The following EPB41 variants were observed in gnomAD, a reference collection of about 807,000 sequenced individuals.
EPB41 encodes the protein protein 4.1.
Under a neutral mutation model 108.0 loss-of-function variants are expected in EPB41, and 65 were observed. That is an observed-to-expected ratio of 0.60 (90% confidence interval 0.49 to 0.74). The LOEUF is 0.74. Among genes scored for constraint, EPB41 ranks in the 30% least tolerant of loss-of-function variants. The pLI is 0.00. For missense variants in EPB41, 875 were observed against 1,037.0 expected (o/e 0.84, Z 2.15); for synonymous variants, 336 against 358.9 (o/e 0.94, Z 0.72).
At chr1:28,940,722 T>G (rs748826497) in intron 1 of EPB41, among the ~76,000 whole-genome samples, 7 of 152,182 alleles carry the variant, frequency 4.6e-5, no homozygotes, top group Non-Finnish European at 8.8e-5. Context: ...CTGGTTGCAA[T>G]TATATTTAAT....
chr1:28,944,226 CGGGGG>C (rs2094409698), intron 1 of EPB41, among the ~76,000 whole-genome samples: 1 of 151,244 alleles, frequency 6.6e-6, no homozygotes, highest in African/African-American at 2.4e-5. Context: ...AGTGTGGAGG[CGGGGG>C]CTGGGAGGAG....
At chr1:29,093,601 A>G (rs1662104351) in intron 16 of EPB41, among the ~76,000 whole-genome samples, 1 of 152,092 alleles carries the variant, frequency 6.6e-6, no homozygotes. Context: ...TGGCATCTTC[A>G]TCATAAAATC....
intron 16 of EPB41, 85 bp downstream of exon 16, chr1:29,065,243 C>CT: frequency 6.9e-7 from 1 of 1,439,732 alleles, no homozygotes; most frequent in Non-Finnish European, 9.1e-7. Flanking sequence ...TGAGAGAAAG[C>CT]TTAGAGCTGA....
chr1:29,084,001 A>C (rs1173113853), intron 16 of EPB41, among the ~76,000 whole-genome samples: 1 of 142,284 alleles, frequency 7.0e-6, no homozygotes, highest in African/African-American at 2.6e-5. Context: ...TTAGTTAAGA[A>C]CCAGGAGCTG....
intron 1 of EPB41, among the ~76,000 whole-genome samples, chr1:28,893,180 C>G (rs1355663783): frequency 2.0e-5 from 3 of 152,054 alleles, no homozygotes; most frequent in African/African-American, 7.2e-5. Context: ...CTCCTGGGCT[C>G]AAGGGAGCCT....
intron 4 of EPB41, among the ~76,000 whole-genome samples, chr1:29,008,585 T>G (rs1460838033): frequency 2.6e-5 from 4 of 152,196 alleles, no homozygotes; most frequent in Non-Finnish European, 5.9e-5. Flanking sequence ...ACCACAGTTA[T>G]CATTCTCAAC....
chr1:29,005,650 A>G (rs546636735), intron 4 of EPB41, among the ~76,000 whole-genome samples: 1 of 152,318 alleles, frequency 6.6e-6, no homozygotes, highest in East Asian at 1.9e-4. Context: ...ATGGACACCC[A>G]CATGGATGGG....
rs1174638954 is a variant in EPB41 at position 29,111,960 on chromosome 1, G to A, written c.2416-408G>A. 9.3e-5 allele frequency among the ~76,000 whole-genome samples: 14 copies of A among 150,420 alleles called. No homozygotes were observed. The East Asian group carries it at 2.7e-3, about 29-fold the overall frequency. ...CCACTACACTCCAGCCTGGACAACAGAGCGAGACTCTGTCTCAAAAAAAAA... is the reference window on the plus strand; with the variant it reads ...CCACTACACTCCAGCCTGGACAACAAAGCGAGACTCTGTCTCAAAAAAAAA... On this transcript the variant is annotated intron_variant, in intron 18 of 20. Coordinates refer to ENST00000343067, the MANE Select transcript of EPB41 (RefSeq NM_001376013.1).
intron 1 of EPB41, among the ~76,000 whole-genome samples, chr1:28,953,009 A>G (rs1279880355): frequency 6.6e-6 from 1 of 152,122 alleles, no homozygotes; most frequent in Non-Finnish European, 1.5e-5. Flanking sequence ...GATTACAGGC[A>G]TGAGCCACTG....
At chr1:28,904,768 TC>T (rs2147942778) in intron 1 of EPB41, among the ~76,000 whole-genome samples, 1 of 152,156 alleles carries the variant, frequency 6.6e-6, no homozygotes, top group Admixed American at 6.5e-5. Flanking sequence ...CCGTGGTGGC[TC>T]ATGCCTGTGA....
chr1:28,921,961 T>TATATATATATATATATATACAC (rs770764638), intron 1 of EPB41, among the ~76,000 whole-genome samples: 41 of 109,906 alleles, frequency 3.7e-4, no homozygotes, highest in African/African-American at 1.3e-3. Context: ...TATATATATA[T>TATATATATATATATATATACAC]ACACTTTTTT....
intron 2 of EPB41, among the ~76,000 whole-genome samples, chr1:28,992,258 C>T (rs2096040897): frequency 6.6e-6 from 1 of 152,162 alleles, no homozygotes; most frequent in South Asian, 2.1e-4. Flanking sequence ...TCCTAATTGT[C>T]AACCATGCAT....
chr1:28,971,185 T>TC (rs2095487795), intron 1 of EPB41, among the ~76,000 whole-genome samples: 2 of 129,596 alleles, frequency 1.5e-5, no homozygotes, highest in African/African-American at 3.1e-5. Flanking sequence ...TCTTTCTTTT[T>TC]TTTTTTTTTT....
At chr1:29,087,004 G>A (rs1381965759) in intron 16 of EPB41, among the ~76,000 whole-genome samples, 1 of 143,664 alleles carries the variant, frequency 7.0e-6, no homozygotes, top group Non-Finnish European at 1.5e-5. Context: ...GGGTGCAGTG[G>A]CACAATCTTG....
At chr1:29,070,082 C>T (rs1310427211) in intron 16 of EPB41, 2 of 264,668 alleles carry the variant, frequency 7.6e-6, no homozygotes, top group Admixed American at 5.3e-5. Flanking sequence ...ATGTGAATAT[C>T]CTCAAAGGAA....
chr1:28,894,905 AC>A (rs2090505279), intron 1 of EPB41, among the ~76,000 whole-genome samples: 1 of 151,904 alleles, frequency 6.6e-6, no homozygotes, highest in Admixed American at 6.6e-5. Context: ...TTAACTGCTC[AC>A]CCAGCTGGGA....
chr1:28,909,157 C>CA (rs35591255), intron 1 of EPB41, among the ~76,000 whole-genome samples: 90,169 of 122,816 alleles, frequency 0.73, 31,757 homozygotes, highest in East Asian at 0.9. Flanking sequence ...GACTCCGTCT[C>CA]AAAAAAAAAA....
At position 29,039,416 on chromosome 1, in the gene EPB41, C is replaced by G. The variant is rs1287476127; in HGVS notation, c.1626C>G (p.Ser542Arg). The G allele has an allele frequency of 6.2e-7, 1 of 1,613,952 alleles. No homozygotes were observed. Among genetic ancestry groups the G allele is most frequent in the East Asian group, 2.2e-5 (1 of 44,880 alleles). Residue 542 changes from serine (S) to arginine (R), a missense_variant, in exon 11 of 21, where the codon AGC becomes AGG. Around this residue, in one of 3 missense-constraint regions of EPB41, gnomAD observed 519 missense variants for 627.3 expected, o/e 0.83. Coordinates refer to ENST00000343067, the MANE Select transcript of EPB41 (RefSeq NM_001376013.1). ...CAGCAAGTAAACGGGCGTCCCGGAGCCTCGATGGAGGTTTGTATTGAATAT... is the reference window on the plus strand; with the variant it reads ...CAGCAAGTAAACGGGCGTCCCGGAGGCTCGATGGAGGTTTGTATTGAATAT... ...ERTASKRASR[S>R]LDGAAAVDSA...
intron 1 of EPB41, among the ~76,000 whole-genome samples, chr1:28,946,192 C>T (rs896028772): frequency 6.6e-6 from 1 of 151,726 alleles, no homozygotes; most frequent in African/African-American, 2.4e-5. Flanking sequence ...ACATTGTCTA[C>T]TTCAACTTCT....
Sources: allele counts gnomAD v4.1 joint callset (sites outside exome capture counted in the v4.1 genomes callset), GRCh38; gene constraint gnomAD v4.1.1; regional missense constraint gnomAD v4.1.1; transcripts MANE v1.5; gene names NCBI Gene and HGNC (gene_info 2026-07-23, HGNC 2026-07-21).